The following PRKN variants were observed in gnomAD, a reference collection of about 807,000 sequenced individuals.
PRKN encodes the protein E3 ubiquitin-protein ligase parkin.
In PRKN, 56 loss-of-function variants were observed where a neutral mutation model predicts 59.5. The ratio of observed to expected loss-of-function variants is 0.94; its 90% confidence interval spans 0.76 to 1.18. PRKN has a LOEUF of 1.18. Among genes scored for constraint, PRKN ranks in the 50% most tolerant of loss-of-function variants. The pLI is 0.00. For missense variants in PRKN, 657 were observed against 596.4 expected, an observed-to-expected ratio of 1.10 and a Z score of -1.06; for synonymous variants, 250 against 222.1, an observed-to-expected ratio of 1.13 and a Z score of -1.12.
chr6:161,816,161 C>T (rs1583200850), intron 6 of PRKN, among the ~76,000 whole-genome samples: 1 of 152,140 alleles, frequency 6.6e-6, no homozygotes, highest in Non-Finnish European at 1.5e-5. Context: ...TGGCGGCAGG[C>T]TGCTCAGTAC....
At chr6:162,119,512 T>C (rs1780816382) in intron 4 of PRKN, among the ~76,000 whole-genome samples, 1 of 152,100 alleles carries the variant, frequency 6.6e-6, no homozygotes, top group South Asian at 2.1e-4. Flanking sequence ...GAATTCACAA[T>C]GCAGGAGAAG....
chr6:162,301,677 C>T (rs549256441), intron 2 of PRKN, among the ~76,000 whole-genome samples: 2 of 151,072 alleles, frequency 1.3e-5, no homozygotes, highest in South Asian at 2.1e-4. Flanking sequence ...TACATTAGGG[C>T]CCAATACTTA....
intron 3 of PRKN, among the ~76,000 whole-genome samples, chr6:162,261,543 C>T (rs1230260674): frequency 1.3e-5 from 2 of 152,020 alleles, no homozygotes; most frequent in East Asian, 1.9e-4. Flanking sequence ...ATTCTGGTCA[C>T]AAGAGTATTG....
At position 161,560,723 on chromosome 6, in the gene PRKN, A is replaced by C. The variant is rs906848029; in HGVS notation, c.933+8632T>G. On this transcript the variant is annotated intron_variant, in intron 8 of 11. Transcript: ENST00000366898. This position sits in a 1 kb window ranked among gnomAD's most constrained non-coding sequence, Gnocchi z 4.9. ...CCAAATATGTCTCTTTCTGATGATC[A>C]CCTCTTATCTTTCCAAATCTCTTGC... 3.3e-5 allele frequency among the ~76,000 whole-genome samples: 5 copies of C among 152,032 alleles called. No homozygotes were observed. Among genetic ancestry groups the C allele is most frequent in the African/African-American group, 1.2e-4 (5 of 41,386 alleles).
Position 161,921,273 on chromosome 6 carries a change from T to G in PRKN, c.734+52029A>C, listed in dbSNP as rs558037525. Among the ~76,000 whole-genome samples, 7 of 152,284 alleles carry G rather than the reference T, an allele frequency of 4.6e-5. No homozygotes were observed. The South Asian group carries it at 1.2e-3, about 27-fold the overall frequency. On this transcript the variant is annotated intron_variant, in intron 6 of 11. Transcript: ENST00000366898. ...CCATATATTGTCCCACTGGAAGGTCTTCAGGGGCAATGACATGCATGGACC... is the reference window on the plus strand; with the variant it reads ...CCATATATTGTCCCACTGGAAGGTCGTCAGGGGCAATGACATGCATGGACC...
intron 6 of PRKN, among the ~76,000 whole-genome samples, chr6:161,853,886 G>A (rs180787351): frequency 1.3e-5 from 2 of 152,166 alleles, no homozygotes; most frequent in African/African-American, 4.8e-5. Flanking sequence ...AGAGTGACAA[G>A]GTTTCAAGTG....
intron 3 of PRKN, among the ~76,000 whole-genome samples, chr6:162,239,402 A>G (rs901114350): frequency 2.0e-5 from 3 of 152,152 alleles, no homozygotes; most frequent in African/African-American, 7.2e-5. Context: ...ATAAATCCCT[A>G]AAAGACATAT....
At chr6:161,990,074 C>T (rs1781586573) in intron 5 of PRKN, among the ~76,000 whole-genome samples, 1 of 152,162 alleles carries the variant, frequency 6.6e-6, no homozygotes, top group Non-Finnish European at 1.5e-5. Context: ...GCCCAAGGAC[C>T]AGCCTGCCCT....
At chr6:161,838,732 G>C (rs769718442) in intron 6 of PRKN, among the ~76,000 whole-genome samples, 3 of 152,226 alleles carry the variant, frequency 2.0e-5, no homozygotes, top group Non-Finnish European at 2.9e-5. Context: ...CTGCAGGGAG[G>C]AGACACAAGC....
intron 2 of PRKN, among the ~76,000 whole-genome samples, chr6:162,380,509 GTATATA>G (rs34461270): frequency 9.6e-5 from 4 of 41,658 alleles, no homozygotes; most frequent in East Asian, 4.3e-4. Flanking sequence ...ATATATGTGT[GTATATA>G]TATATATATG....
intron 1 of PRKN, among the ~76,000 whole-genome samples, chr6:162,586,670 A>G (rs545456110): frequency 6.6e-6 from 1 of 152,228 alleles, no homozygotes; most frequent in Non-Finnish European, 1.5e-5. Flanking sequence ...ATTAAATCTA[A>G]TATCAAGAGC....
intron 1 of PRKN, among the ~76,000 whole-genome samples, chr6:162,622,081 G>C (rs796549451): frequency 7.9e-5 from 12 of 152,104 alleles, no homozygotes; most frequent in African/African-American, 2.9e-4. Context: ...ACAAAGTGCT[G>C]GGATTACAGG....
At chr6:161,666,043 G>A (rs1266728983) in intron 7 of PRKN, among the ~76,000 whole-genome samples, 2 of 152,166 alleles carry the variant, frequency 1.3e-5, no homozygotes, top group Admixed American at 6.5e-5. Flanking sequence ...CCAGCTGGGC[G>A]GCTTACTAGC....
At chr6:161,432,109 T>C (rs1788672554) in intron 9 of PRKN, among the ~76,000 whole-genome samples, 1 of 152,230 alleles carries the variant, frequency 6.6e-6, no homozygotes, top group African/African-American at 2.4e-5. Context: ...CCTTGCTTCA[T>C]AAATAACTGT....
intron 3 of PRKN, among the ~76,000 whole-genome samples, chr6:162,222,766 A>AG (rs1189735338): frequency 3.9e-5 from 6 of 152,190 alleles, no homozygotes; most frequent in African/African-American, 1.4e-4. Flanking sequence ...CCACTGCACT[A>AG]GTAGTAATTT....
At chr6:162,429,698 A>G (rs949965918) in intron 2 of PRKN, among the ~76,000 whole-genome samples, 3 of 152,030 alleles carry the variant, frequency 2.0e-5, no homozygotes, top group African/African-American at 7.3e-5. Flanking sequence ...TGTTTTCTTA[A>G]AGTCTGCACT....
chr6:161,749,774 T>G (rs893104149), intron 7 of PRKN, among the ~76,000 whole-genome samples: 12 of 152,168 alleles, frequency 7.9e-5, no homozygotes, highest in African/African-American at 2.2e-4. Flanking sequence ...CGAGGCTCTG[T>G]CACTTGACAA....
chr6:161,971,166 A>G (rs1780791494), intron 6 of PRKN, among the ~76,000 whole-genome samples: 1 of 152,170 alleles, frequency 6.6e-6, no homozygotes, highest in African/African-American at 2.4e-5. Flanking sequence ...TAATGTGACA[A>G]TATTATTTTT....
At chr6:162,282,994 C>CTT (rs753282460) in intron 2 of PRKN, among the ~76,000 whole-genome samples, 8 of 144,826 alleles carry the variant, frequency 5.5e-5, no homozygotes, top group East Asian at 2.0e-4. Context: ...TTCTCTCTCT[C>CTT]TTTTTTTTTT....
Sources: gnomAD v4.1 joint callset for allele counts (sites outside exome capture counted in the v4.1 genomes callset) on GRCh38, gnomAD v4.1.1 for gene constraint, Gnocchi (gnomAD v3.1) non-coding constraint, MANE v1.5 for transcripts, NCBI Gene and HGNC (gene_info 2026-07-23, HGNC 2026-07-21) for gene names.